The following CPXM2 variants were observed in gnomAD, a reference collection of about 807,000 sequenced individuals.
CPXM2 encodes inactive carboxypeptidase-like protein X2.
CPXM2 carries 66 observed loss-of-function variants against 86.1 expected under a neutral mutation model. The observed-to-expected ratio is 0.77, with a 90% CI of 0.63 to 0.94. The LOEUF is 0.94. CPXM2 is among the 40% of genes least tolerant of loss of function. The pLI is 0.00. For synonymous variants in CPXM2, 388 were observed against 400.2 expected (o/e 0.97, Z 0.36); for missense variants, 948 against 1,026.3 (o/e 0.92, Z 1.04).
chr10:123,797,328 G>A (rs1170069584), intron 6 of CPXM2, among the ~76,000 whole-genome samples: 1 of 152,152 alleles, frequency 6.6e-6, no homozygotes, highest in Non-Finnish European at 1.5e-5. Flanking sequence ...ACAGATAAAC[G>A]TGTTCTCCCA....
chr10:123,874,014 C>G (rs146614054), intron 2 of CPXM2, among the ~76,000 whole-genome samples: 10 of 152,074 alleles, frequency 6.6e-5, no homozygotes, highest in African/African-American at 2.4e-4. Context: ...CATGCATCAC[C>G]ACGCCAGGGT....
chr10:123,896,538 AC>A (rs1945339784), upstream of CPXM2, among the ~76,000 whole-genome samples: 1 of 152,112 alleles, frequency 6.6e-6, no homozygotes, highest in Admixed American at 6.5e-5. Flanking sequence ...TTACTCCCAT[AC>A]CCTGTACATT....
At chr10:123,895,112 CT>C (rs1198158013), upstream of CPXM2, among the ~76,000 whole-genome samples, 2 of 111,736 alleles carry the variant, frequency 1.8e-5, no homozygotes, top group African/African-American at 3.1e-5. Flanking sequence ...TTTTTTTTTT[CT>C]TTTTTTTCTT....
At chr10:123,907,107 A>C (rs1304257707) in intron 2 of CPXM2, among the ~76,000 whole-genome samples, 3 of 152,246 alleles carry the variant, frequency 2.0e-5, no homozygotes, top group African/African-American at 4.8e-5. Flanking sequence ...TAAATAGTAG[A>C]GTTTCCAGGA....
At chr10:123,780,350 G>GTC in intron 6 of CPXM2, 95 bp from the exon 7 acceptor site, 1 of 832,182 alleles carries the variant, frequency 1.2e-6, no homozygotes, top group Non-Finnish European at 2.0e-6. Context: ...GGACAGTGCA[G>GTC]CCCAATCTCT....
Position 123,746,484 on chromosome 10 carries a change from CCTT to C in CPXM2, c.*277_*279del. On this transcript the variant is annotated 3_prime_UTR_variant, in exon 14 of 14. Coordinates refer to ENST00000241305, the MANE Select transcript of CPXM2 (RefSeq NM_198148.3). ...TGAACGGACAGGCTCCCCTCCTTCT[CCTT>C]CTCTCTCTGATTCCCAGGTTGGCTT... 2.1e-6 allele frequency: 1 copy of C among 477,152 alleles called. No homozygotes were observed. Among genetic ancestry groups the C allele is most frequent in the Non-Finnish European group, 3.7e-6 (1 of 269,054 alleles). The allele number at this position is 477,152 out of a possible 1,614,324, so 29.6% of individuals were successfully genotyped here.
chr10:123,857,800 A>G (rs1848769419), intron 3 of CPXM2, among the ~76,000 whole-genome samples: 1 of 152,214 alleles, frequency 6.6e-6, no homozygotes. Flanking sequence ...GGGACTCCGC[A>G]GCTTCCACGC....
intron 6 of CPXM2, among the ~76,000 whole-genome samples, chr10:123,794,315 C>A (rs1326098881): frequency 1.3e-5 from 2 of 152,194 alleles, no homozygotes; most frequent in African/African-American, 4.8e-5. Flanking sequence ...ACATCAAAGC[C>A]CCACACATTC....
At chr10:123,927,269 C>A (rs1016946481) in intron 2 of CPXM2, among the ~76,000 whole-genome samples, 5 of 152,174 alleles carry the variant, frequency 3.3e-5, no homozygotes, top group Non-Finnish European at 7.3e-5. Flanking sequence ...TGTGTCCCAC[C>A]CTTCAGTGAT....
At chr10:123,883,065 A>G (rs913330449) in intron 1 of CPXM2, among the ~76,000 whole-genome samples, 1 of 151,800 alleles carries the variant, frequency 6.6e-6, no homozygotes, top group Non-Finnish European at 1.5e-5. Context: ...CCACATCACA[A>G]CACCATGGCC....
At chr10:123,912,289 TGA>T (rs150659363) in intron 2 of CPXM2, among the ~76,000 whole-genome samples, 7,546 of 55,558 alleles carry the variant, frequency 0.14, 271 homozygotes, top group South Asian at 0.26. Flanking sequence ...TGTGTGTGTG[TGA>T]GTGTGCAGAT....
intron 3 of CPXM2, among the ~76,000 whole-genome samples, chr10:123,844,566 G>C (rs777693800): frequency 1.3e-5 from 2 of 152,000 alleles, no homozygotes; most frequent in Non-Finnish European, 2.9e-5. Context: ...CAATCTAAGA[G>C]GATTTTTCTG....
At chr10:123,921,933 T>C (rs961056862) in intron 2 of CPXM2, among the ~76,000 whole-genome samples, 1 of 151,852 alleles carries the variant, frequency 6.6e-6, no homozygotes, top group Non-Finnish European at 1.5e-5. Flanking sequence ...TGATGCCTGA[T>C]GCCTTTCTTT....
chr10:123,903,463 C>T (rs7094799), intron 2 of CPXM2, among the ~76,000 whole-genome samples: 71,059 of 147,472 alleles, frequency 0.48, 16,945 homozygotes, highest in Middle Eastern at 0.62. Context: ...TCAAAATGCA[C>T]ATGGCCTGGA....
chr10:123,905,339 T>A (rs896423205), intron 2 of CPXM2, among the ~76,000 whole-genome samples: 1 of 152,186 alleles, frequency 6.6e-6, no homozygotes, highest in African/African-American at 2.4e-5. Flanking sequence ...GACCTTCTGA[T>A]AAAGCCATGG....
intron 2 of CPXM2, among the ~76,000 whole-genome samples, chr10:123,873,701 C>A (rs557844094): frequency 6.6e-5 from 10 of 152,134 alleles, no homozygotes; most frequent in African/African-American, 1.9e-4. Flanking sequence ...GATTAGTGAG[C>A]CTGAAAACAA....
At chr10:123,836,436 TGTGCCACCA>T (rs1320255541) in intron 4 of CPXM2, among the ~76,000 whole-genome samples, 2 of 152,088 alleles carry the variant, frequency 1.3e-5, no homozygotes, top group Non-Finnish European at 2.9e-5. Flanking sequence ...TGACACAGTT[TGTGCCACCA>T]GTGCCACAAC....
intron 4 of CPXM2, among the ~76,000 whole-genome samples, chr10:123,818,656 T>C (rs1847862609): frequency 6.6e-6 from 1 of 152,160 alleles, no homozygotes. Context: ...TAAAGAAGTG[T>C]GGCAGTGGGC....
intron 2 of CPXM2, among the ~76,000 whole-genome samples, chr10:123,899,924 G>C (rs1279901899): frequency 1.3e-5 from 2 of 152,172 alleles, no homozygotes; most frequent in African/African-American, 2.4e-5. Flanking sequence ...AAAATAAGAA[G>C]AGGAGGAATT....
Sources: gnomAD v4.1 joint callset for allele counts (sites outside exome capture counted in the v4.1 genomes callset) on GRCh38, gnomAD v4.1.1 for gene constraint, MANE v1.5 for transcripts, NCBI Gene and HGNC (gene_info 2026-07-23, HGNC 2026-07-21) for gene names.